Variants in AIG1 observed in about 807,000 individuals in gnomAD.
The protein encoded by AIG1 is androgen-induced gene 1 protein.
A neutral mutation model predicts 31.4 loss-of-function variants in AIG1; 23 were observed. The ratio of observed to expected loss-of-function variants is 0.73; its 90% confidence interval spans 0.53 to 1.04. The LOEUF (loss-of-function observed/expected upper bound fraction) is 1.04, where lower values mean the gene tolerates loss of function less well. AIG1 is among the 50% of genes least tolerant of loss of function. The pLI, the probability that AIG1 is intolerant of heterozygous loss-of-function variation, is 0.00. For missense variants in AIG1, 274 were observed against 295.0 expected (o/e 0.93, Z 0.52); for synonymous variants, 100 against 110.5 (o/e 0.90, Z 0.60).
chr6:143,134,038 A>G (rs901112592), intron 1 of AIG1, among the ~76,000 whole-genome samples: 1 of 152,088 alleles, frequency 6.6e-6, no homozygotes, highest in African/African-American at 2.4e-5. Context: ...TTGAATTAGA[A>G]GGGAAGGATT....
At chr6:143,307,925 C>A (rs576287643) in intron 4 of AIG1, among the ~76,000 whole-genome samples, 1 of 152,246 alleles carries the variant, frequency 6.6e-6, no homozygotes, top group Non-Finnish European at 1.5e-5. Context: ...CGCCCCTCCC[C>A]CAGCCTCGCT....
chr6:143,093,351 TTTC>T (rs1405639292), intron 1 of AIG1, among the ~76,000 whole-genome samples: 1 of 152,214 alleles, frequency 6.6e-6, no homozygotes, highest in Non-Finnish European at 1.5e-5. Context: ...GCTTCCAACT[TTTC>T]TTCTTCAGCT....
intron 3 of AIG1, among the ~76,000 whole-genome samples, chr6:143,217,719 G>A (rs140916737): frequency 1.3e-5 from 2 of 152,252 alleles, no homozygotes; most frequent in Admixed American, 1.3e-4. Context: ...ATGTTGGCCA[G>A]GCTCATCTGG....
chr6:143,059,557 A>T, upstream of AIG1, among the ~76,000 whole-genome samples: 1 of 152,236 alleles, frequency 6.6e-6, no homozygotes, highest in South Asian at 2.1e-4. Flanking sequence ...CATCGTTTTA[A>T]TGCTAGTAGA....
chr6:143,119,247 A>G (rs1782034952), intron 1 of AIG1, among the ~76,000 whole-genome samples: 1 of 152,148 alleles, frequency 6.6e-6, no homozygotes, highest in Admixed American at 6.5e-5. Flanking sequence ...TTTGCCTATA[A>G]ATGCTCAATT....
At chr6:143,248,179 GA>G (rs548411272) in intron 3 of AIG1, among the ~76,000 whole-genome samples, 2 of 152,044 alleles carry the variant, frequency 1.3e-5, no homozygotes, top group Admixed American at 6.6e-5. Flanking sequence ...TTTCTGCAGG[GA>G]AAAAAACAGA....
At position 143,084,671 on chromosome 6, in the gene AIG1, G is replaced by A. The variant is rs116338963; in HGVS notation, c.141+23605G>A. Among the ~76,000 whole-genome samples the A allele has an allele frequency of 4.6e-3, 703 of 152,286 alleles. 5 individuals carry two copies. Among genetic ancestry groups the A allele is most frequent in the African/African-American group, 0.016 (660 of 41,562 alleles). On this transcript the variant is annotated intron_variant, in intron 1 of 5. Coordinates refer to ENST00000357847, the MANE Select transcript of AIG1 (RefSeq NM_016108.4). ...ATTAGTTGGCCTTCAATAGAGTCGG[G>A]TGACAGGGAGGTTTGCTTCCTCAAT...
rs1047535909 is a variant in AIG1, at chr6:143,258,949, G to A, written c.400-25161G>A. On this transcript the variant is annotated intron_variant, in intron 3 of 5. Coordinates refer to ENST00000357847, the MANE Select transcript of AIG1 (RefSeq NM_016108.4). The surrounding 1 kb of genome is among the most constrained non-coding windows in gnomAD (Gnocchi z 4.7). ...TGGGAACCACATCCAAACCATAGCA[G>A]AGGTCAACAGAGACCTTGGCAAAAC... 3.9e-5 allele frequency among the ~76,000 whole-genome samples: 6 copies of A among 152,214 alleles called. No individual in the cohort carries two copies. The highest frequency in any genetic ancestry group is 2.4e-5 in the African/African-American group (1 of 41,456).
intron 1 of AIG1, among the ~76,000 whole-genome samples, chr6:143,076,396 G>A (rs1018835166): frequency 3.3e-5 from 5 of 152,084 alleles, no homozygotes; most frequent in East Asian, 1.9e-4. Context: ...AGCTTTCTTT[G>A]TATTAGTGTT....
chr6:143,131,040 T>C (rs1328049647), intron 1 of AIG1, among the ~76,000 whole-genome samples: 1 of 152,252 alleles, frequency 6.6e-6, no homozygotes, highest in Non-Finnish European at 1.5e-5. Context: ...ATTCATTTAC[T>C]TTTAACCAAC....
chr6:143,178,862 C>A (rs1481847530), intron 3 of AIG1, among the ~76,000 whole-genome samples: 3 of 152,130 alleles, frequency 2.0e-5, no homozygotes, highest in African/African-American at 7.2e-5. Context: ...TTGTAAGGAT[C>A]ACTCCGTTAT....
At chr6:143,178,499 A>G (rs1373131480) in intron 3 of AIG1, among the ~76,000 whole-genome samples, 1 of 152,196 alleles carries the variant, frequency 6.6e-6, no homozygotes, top group Admixed American at 6.5e-5. Flanking sequence ...TTAGGACTAC[A>G]GGCATCCAGC....
At chr6:143,189,236 C>A in intron 3 of AIG1, 1 of 418,900 alleles carries the variant, frequency 2.4e-6, no homozygotes, top group Non-Finnish European at 3.2e-6. Context: ...TTTGTAGAGA[C>A]AATGGGCTCA....
At position 143,288,958 on chromosome 6, in the gene AIG1, AAAGACTTT is replaced by A. The variant is rs1797873316; in HGVS notation, c.515+4737_515+4744del. Among the ~76,000 whole-genome samples the A allele has an allele frequency of 6.6e-6, 1 of 152,218 alleles. No individual in the cohort carries two copies. Among genetic ancestry groups the A allele is most frequent in the Non-Finnish European group, 1.5e-5 (1 of 68,046 alleles). ...TGTTTGAAAGAGTTAAGCTTTGTCT[AAAGACTTT>A]AAGTCAGTAGAAAGAAATGCTTGAG... On this transcript the variant is annotated intron_variant, in intron 4 of 5. Coordinates refer to ENST00000357847, the MANE Select transcript of AIG1 (RefSeq NM_016108.4). This position sits in a 1 kb window ranked among gnomAD's most constrained non-coding sequence, Gnocchi z 4.4.
At chr6:143,206,739 T>G (rs1791140251) in intron 3 of AIG1, among the ~76,000 whole-genome samples, 1 of 152,226 alleles carries the variant, frequency 6.6e-6, no homozygotes, top group East Asian at 1.9e-4. Context: ...AACCAAATTT[T>G]ATGAGTCAGC....
chr6:143,119,544 C>A (rs1019216799), intron 1 of AIG1, among the ~76,000 whole-genome samples: 1 of 152,194 alleles, frequency 6.6e-6, no homozygotes, highest in African/African-American at 2.4e-5. Context: ...CCAGTGGCAG[C>A]GTGGGCCTTA....
intron 3 of AIG1, among the ~76,000 whole-genome samples, chr6:143,226,002 A>T (rs916756594): frequency 6.6e-6 from 1 of 152,200 alleles, no homozygotes; most frequent in Non-Finnish European, 1.5e-5. Flanking sequence ...AAACAAAAAA[A>T]ATTGCTCCAG....
intron 4 of AIG1, among the ~76,000 whole-genome samples, chr6:143,306,935 C>T (rs987548127): frequency 3.3e-5 from 5 of 152,196 alleles, no homozygotes; most frequent in African/African-American, 9.6e-5. Context: ...TCCCTTCTCG[C>T]TTCATTTCAT....
intron 1 of AIG1, among the ~76,000 whole-genome samples, chr6:143,088,740 G>T (rs1438404541): frequency 3.3e-5 from 5 of 152,172 alleles, no homozygotes; most frequent in Non-Finnish European, 7.3e-5. Flanking sequence ...GCCTTTCAAT[G>T]CAATGAACAC....
Sources: gnomAD v4.1 joint callset for allele counts (sites outside exome capture counted in the v4.1 genomes callset) on GRCh38, gnomAD v4.1.1 for gene constraint, Gnocchi (gnomAD v3.1) non-coding constraint, MANE v1.5 for transcripts, NCBI Gene and HGNC (gene_info 2026-07-23, HGNC 2026-07-21) for gene names.